MB21D2: variants seen among roughly 807,000 people sequenced by gnomAD.
The protein encoded by MB21D2 is Mab-21 domain containing 2.
In MB21D2, 9 loss-of-function variants were observed where a neutral mutation model predicts 33.3. The observed-to-expected ratio is 0.27, with a 90% confidence interval of 0.16 to 0.47. The LOEUF (loss-of-function observed/expected upper bound fraction) is 0.47, where lower values mean the gene tolerates loss of function less well. MB21D2 is among the 20% of genes least tolerant of loss of function. The pLI is 0.99. For synonymous variants in MB21D2, 241 were observed against 236.3 expected, an observed-to-expected ratio of 1.02 and a Z score of -0.18; for missense variants, 540 against 624.6, an observed-to-expected ratio of 0.86 and a Z score of 1.44.
At chr3:192,887,895 G>A (rs1238075964) in intron 1 of MB21D2, among the ~76,000 whole-genome samples, 1 of 152,030 alleles carries the variant, frequency 6.6e-6, no homozygotes, top group Non-Finnish European at 1.5e-5. Context: ...AGGCTTGGGT[G>A]GGGCCTGAAA....
chr3:192,868,149 C>T (rs1258591724), intron 1 of MB21D2, among the ~76,000 whole-genome samples: 2 of 152,174 alleles, frequency 1.3e-5, no homozygotes, highest in East Asian at 1.9e-4. Context: ...TCTATAAATG[C>T]CCTTTTAGCC....
rs77467173 is a variant in MB21D2 at position 192,871,314 on chromosome 3, G to C, written c.211+46316C>G. Among the ~76,000 whole-genome samples the C allele has an allele frequency of 5.3e-3, 800 of 152,232 alleles. 8 individuals are homozygous for C. The highest frequency in any genetic ancestry group is 0.018 in the African/African-American group (764 of 41,530). ...CTTATGAAAAATGACGGTTATTTAG[G>C]GGTTGATGGACCTACTAAATATAGA... On this transcript the variant is annotated intron_variant, in intron 1 of 1. Coordinates refer to ENST00000392452, the MANE Select transcript of MB21D2 (RefSeq NM_178496.4).
At position 192,917,764 on chromosome 3, in the gene MB21D2, T is replaced by C; in HGVS notation, c.77A>G (p.Asp26Gly). The change falls in exon 1 of 2, where the codon GAT (aspartate) becomes GGT (glycine). Residue 26 changes from aspartate (D) to glycine (G), a missense_variant. Physicochemically the swap from Asp to Gly is moderately conservative, Grantham distance 94. Transcript: ENST00000392452. ...CNNKPAFPEL[D>G]FRSGARVEEL... ...CTCCACCCGAGCTCCCGACCTGAAA[T>C]CCAGCTCCGGGAACGCAGGCTTGTT... 6.2e-7 allele frequency: 1 copy of C among 1,613,946 alleles called. No individual in the cohort carries two copies. The highest frequency in any genetic ancestry group is 8.5e-7 in the Non-Finnish European group (1 of 1,180,018).
chr3:192,885,555 A>G (rs1300440758), intron 1 of MB21D2, among the ~76,000 whole-genome samples: 1 of 152,094 alleles, frequency 6.6e-6, no homozygotes, highest in East Asian at 1.9e-4. Context: ...AAGGTAATTA[A>G]ACACACAACA....
chr3:192,818,934 A>C (rs1711984348), intron 1 of MB21D2, among the ~76,000 whole-genome samples: 1 of 152,178 alleles, frequency 6.6e-6, no homozygotes, highest in African/African-American at 2.4e-5. Flanking sequence ...AGTTCCCTTG[A>C]ATGTCAATTG....
At chr3:192,898,108 G>C (rs1714017326) in intron 1 of MB21D2, among the ~76,000 whole-genome samples, 3 of 150,922 alleles carry the variant, frequency 2.0e-5, no homozygotes, top group South Asian at 2.1e-4. Context: ...ATGCTATTAA[G>C]ATAAAATTTA....
chr3:192,878,748 G>C (rs927646926), intron 1 of MB21D2, among the ~76,000 whole-genome samples: 5 of 152,192 alleles, frequency 3.3e-5, no homozygotes, highest in African/African-American at 9.7e-5. Context: ...CGGATCGCTT[G>C]AGGTCAGGAT....
chr3:192,894,534 C>A (rs1042862368), intron 1 of MB21D2, among the ~76,000 whole-genome samples: 1 of 152,122 alleles, frequency 6.6e-6, no homozygotes, highest in Non-Finnish European at 1.5e-5. Flanking sequence ...GAGGTCTTCA[C>A]CTCTCATTTT....
intron 1 of MB21D2, among the ~76,000 whole-genome samples, chr3:192,862,344 A>G (rs1006320724): frequency 2.6e-5 from 4 of 152,246 alleles, no homozygotes; most frequent in African/African-American, 4.8e-5. Context: ...CCTCTGAAAC[A>G]TAAGTAGGAT....
chr3:192,835,355 T>C (rs1308972469), intron 1 of MB21D2, among the ~76,000 whole-genome samples: 7 of 141,874 alleles, frequency 4.9e-5, no homozygotes, highest in Admixed American at 1.4e-4. Context: ...ACTCGGGAGG[T>C]TGAGGCAAGA....
intron 1 of MB21D2, among the ~76,000 whole-genome samples, chr3:192,828,902 G>A (rs1176620984): frequency 6.6e-5 from 10 of 151,404 alleles, no homozygotes; most frequent in African/African-American, 1.9e-4. Flanking sequence ...ACCCGCCTCG[G>A]CCTTCCAAAG....
intron 1 of MB21D2, among the ~76,000 whole-genome samples, chr3:192,817,358 A>G (rs1711949708): frequency 6.6e-6 from 1 of 152,182 alleles, no homozygotes. Context: ...GGGACAGAAA[A>G]CACTCTGAAT....
In MB21D2 at chr3:192,798,297, G is replaced by T; in HGVS notation, c.*89C>A. 7.0e-7 allele frequency: 1 copy of T among 1,420,616 alleles called. No homozygotes were observed. Among genetic ancestry groups the T allele is most frequent in the Non-Finnish European group, 9.6e-7 (1 of 1,040,202 alleles). The allele number at this position is 1,420,616 out of a possible 1,614,324, so 88.0% of individuals were successfully genotyped here. A position where few individuals can be genotyped will look rare whatever the true frequency, so the allele number is the denominator to read the frequency against. On this transcript the variant is annotated 3_prime_UTR_variant, in exon 2 of 2. Transcript: ENST00000392452. This position sits in a 1 kb window ranked among gnomAD's most constrained non-coding sequence, Gnocchi z 4.8. Reference sequence around the variant, plus strand: ...TTCTTAACAAATCCAATCTAGGCTGGATATGTAAAAAACAGAAAGATAGCA... The same window carrying T: ...TTCTTAACAAATCCAATCTAGGCTGTATATGTAAAAAACAGAAAGATAGCA...
intron 1 of MB21D2, among the ~76,000 whole-genome samples, chr3:192,844,152 AG>A (rs1377035551): frequency 6.6e-6 from 1 of 152,230 alleles, no homozygotes; most frequent in African/African-American, 2.4e-5. Context: ...CAGCCTCGCC[AG>A]CCCACGGGGC....
chr3:192,917,099 C>G (rs889000349), intron 1 of MB21D2, among the ~76,000 whole-genome samples: 1 of 152,210 alleles, frequency 6.6e-6, no homozygotes, highest in East Asian at 1.9e-4. Context: ...GTTTGGCCAC[C>G]GGGGGCTCGG....
intron 1 of MB21D2, among the ~76,000 whole-genome samples, chr3:192,908,515 C>T (rs890618484): frequency 3.3e-5 from 5 of 151,658 alleles, no homozygotes; most frequent in African/African-American, 1.2e-4. Flanking sequence ...TCTCCTGCCT[C>T]AGCCTCCCAA....
At chr3:192,861,296 A>C (rs1351636273) in intron 1 of MB21D2, among the ~76,000 whole-genome samples, 1 of 152,166 alleles carries the variant, frequency 6.6e-6, no homozygotes, top group East Asian at 1.9e-4. Context: ...TCAAATAGGA[A>C]GGGGCTGGGA....
intron 1 of MB21D2, among the ~76,000 whole-genome samples, chr3:192,803,973 C>A (rs1005632044): frequency 6.6e-5 from 10 of 152,330 alleles, no homozygotes; most frequent in Middle Eastern, 3.4e-3. Flanking sequence ...GAGGCACTGG[C>A]ATATGCTTGT....
intron 1 of MB21D2, among the ~76,000 whole-genome samples, chr3:192,854,099 T>A (rs865943240): frequency 3.3e-5 from 5 of 152,306 alleles, no homozygotes; most frequent in Middle Eastern, 3.4e-3. Flanking sequence ...GAGACACATG[T>A]CCTTCACCCT....
Sources: allele counts gnomAD v4.1 joint callset (sites outside exome capture counted in the v4.1 genomes callset), GRCh38; gene constraint gnomAD v4.1.1; non-coding constraint Gnocchi (gnomAD v3.1); transcripts MANE v1.5; gene names NCBI Gene and HGNC (gene_info 2026-07-23, HGNC 2026-07-21).